SCLT1: variants seen among roughly 807,000 people sequenced by gnomAD.
SCLT1 encodes sodium channel-associated protein 1.
A neutral mutation model predicts 112.8 loss-of-function variants in SCLT1; 78 were observed. The observed-to-expected ratio is 0.69, with a 90% CI of 0.58 to 0.83. The LOEUF (loss-of-function observed/expected upper bound fraction) is 0.83, where lower values mean the gene tolerates loss of function less well. Ranked by LOEUF, SCLT1 falls within the 40% of genes least tolerant of loss-of-function variation. SCLT1 has a pLI of 0.00. For synonymous variants in SCLT1, 257 were observed against 254.7 expected (o/e 1.01, Z -0.09); for missense variants, 747 against 770.4 (o/e 0.97, Z 0.36).
chr4:128,976,984 G>A lies in SCLT1; in HGVS notation c.687-6516C>T, dbSNP rs76427701. 5.6e-3 allele frequency among the ~76,000 whole-genome samples: 853 copies of A among 152,194 alleles called. 6 individuals carry two copies. Among genetic ancestry groups the A allele is most frequent in the African/African-American group, 0.02 (816 of 41,542 alleles). ...GGGAAACTGTACCAATAATGGTATC[G>A]GAGCTCAGAGCTGCACTTTAGAAAT... On this transcript the variant is annotated intron_variant, in intron 9 of 20. Transcript: ENST00000281142.
chr4:129,028,077 A>C (rs929472956), intron 5 of SCLT1, among the ~76,000 whole-genome samples: 6 of 152,232 alleles, frequency 3.9e-5, no homozygotes, highest in Non-Finnish European at 7.3e-5. Flanking sequence ...GGAAGAATCA[A>C]TATTGTGAAA....
At chr4:128,936,566 T>G in intron 18 of SCLT1, 89 bp downstream of exon 18, 1 of 724,458 alleles carries the variant, frequency 1.4e-6, no homozygotes, top group East Asian at 2.9e-5. Flanking sequence ...AATTATACAT[T>G]TTTTAAAAAA....
At chr4:129,023,535 CA>C (rs1745688408) in intron 5 of SCLT1, among the ~76,000 whole-genome samples, 1 of 152,110 alleles carries the variant, frequency 6.6e-6, no homozygotes, top group African/African-American at 2.4e-5. Context: ...CAACAGAGAT[CA>C]AAAAAGACAA....
In SCLT1 at chr4:128,875,523, CT is replaced by C. The variant is rs146735860; in HGVS notation, n.355+983del. On this transcript the variant is annotated intron_variant and non_coding_transcript_variant, in intron 4 of 7. Transcript: ENST00000503565. ...ACGTAGACTTCAGGGTCAGAGAGAA[CT>C]GTATTTAAAGGCTAAACTATAGTTT... Among the ~76,000 whole-genome samples, 23 of 152,288 alleles carry C rather than the reference CT, an allele frequency of 1.5e-4. No individual in the cohort carries two copies. The East Asian group carries it at 3.9e-3, about 26-fold the overall frequency.
At chr4:128,886,205 T>C (rs17013903) in intron 20 of SCLT1, among the ~76,000 whole-genome samples, 3,414 of 152,254 alleles carry the variant, frequency 0.022, 111 homozygotes, top group African/African-American at 0.074. Flanking sequence ...GGCATTCAAC[T>C]ATTTAGAGTG....
chr4:128,915,799 C>T (rs1350033645), intron 18 of SCLT1, among the ~76,000 whole-genome samples: 1 of 152,118 alleles, frequency 6.6e-6, no homozygotes, highest in Non-Finnish European at 1.5e-5. Context: ...GCTAGGGATA[C>T]AGTGAGGAAT....
At chr4:128,983,749 C>T (rs949082650) in intron 9 of SCLT1, among the ~76,000 whole-genome samples, 3 of 152,218 alleles carry the variant, frequency 2.0e-5, no homozygotes, top group African/African-American at 4.8e-5. Flanking sequence ...ATTATAAGTT[C>T]ACATGATTTT....
chr4:128,951,619 C>T (rs1738745548), intron 14 of SCLT1, among the ~76,000 whole-genome samples: 1 of 152,062 alleles, frequency 6.6e-6, no homozygotes, highest in African/African-American at 2.4e-5. Context: ...GGGTAGTACC[C>T]TTCTACTCCT....
At chr4:129,001,040 T>C (rs780326700) in intron 6 of SCLT1, among the ~76,000 whole-genome samples, 12 of 152,122 alleles carry the variant, frequency 7.9e-5, no homozygotes, top group Admixed American at 1.3e-4. Context: ...CCAGAAGATA[T>C]GGGTGTGATC....
At chr4:128,938,267 A>G (rs1385299100) in intron 17 of SCLT1, among the ~76,000 whole-genome samples, 1 of 152,338 alleles carries the variant, frequency 6.6e-6, no homozygotes, top group African/African-American at 2.4e-5. Context: ...AGTGTGTCAA[A>G]AAACACAAAA....
chr4:129,068,873 C>T (rs1271644602), intron 2 of SCLT1, among the ~76,000 whole-genome samples: 1 of 152,146 alleles, frequency 6.6e-6, no homozygotes, highest in Non-Finnish European at 1.5e-5. Flanking sequence ...AAGGGTTGTT[C>T]CAATGTTATC....
At chr4:128,976,226 T>C (rs552255996) in intron 9 of SCLT1, among the ~76,000 whole-genome samples, 1 of 152,314 alleles carries the variant, frequency 6.6e-6, no homozygotes, top group East Asian at 1.9e-4. Context: ...GACTTACTCA[T>C]TCAGGACGTC....
intron 2 of SCLT1, among the ~76,000 whole-genome samples, chr4:129,063,942 G>C (rs190307903): frequency 4.6e-5 from 7 of 152,160 alleles, no homozygotes; most frequent in Non-Finnish European, 1.0e-4. Context: ...TCTTGGAACC[G>C]AGCTGTGCCA....
intron 16 of SCLT1, among the ~76,000 whole-genome samples, chr4:128,945,340 C>T (rs965344232): frequency 1.3e-5 from 2 of 152,090 alleles, no homozygotes; most frequent in East Asian, 1.9e-4. Flanking sequence ...AAACCAGCTC[C>T]TCCTGCAGGT....
At chr4:129,016,390 G>C (rs1744999177) in intron 5 of SCLT1, among the ~76,000 whole-genome samples, 1 of 152,088 alleles carries the variant, frequency 6.6e-6, no homozygotes, top group Non-Finnish European at 1.5e-5. Context: ...TCATTGTTCA[G>C]CTCCCACTTA....
At chr4:128,914,265 C>T (rs983683784) in intron 18 of SCLT1, among the ~76,000 whole-genome samples, 1 of 151,706 alleles carries the variant, frequency 6.6e-6, no homozygotes, top group African/African-American at 2.4e-5. Context: ...ACTCTGGAGG[C>T]TGAGGCAAGA....
At chr4:129,086,110 C>G (rs1280588766) in intron 1 of SCLT1, among the ~76,000 whole-genome samples, 8 of 151,862 alleles carry the variant, frequency 5.3e-5, no homozygotes, top group Non-Finnish European at 1.2e-4. Context: ...AAAACTAGAT[C>G]TGTGTCCTCA....
At chr4:128,917,121 A>G (rs1409449466) in intron 18 of SCLT1, among the ~76,000 whole-genome samples, 1 of 151,990 alleles carries the variant, frequency 6.6e-6, no homozygotes, top group Non-Finnish European at 1.5e-5. Flanking sequence ...TTTCTGTAAA[A>G]ACCACAATAA....
At chr4:128,988,046 T>C (rs961171642) in intron 9 of SCLT1, among the ~76,000 whole-genome samples, 20 of 151,842 alleles carry the variant, frequency 1.3e-4, no homozygotes, top group African/African-American at 4.8e-4. Context: ...ACACCGAACC[T>C]GTCTTACAAG....
Sources: allele counts gnomAD v4.1 joint callset (sites outside exome capture counted in the v4.1 genomes callset), GRCh38; gene constraint gnomAD v4.1.1; transcripts MANE v1.5; gene names NCBI Gene and HGNC (gene_info 2026-07-23, HGNC 2026-07-21).